TRPM3: variants seen among roughly 807,000 people sequenced by gnomAD.
TRPM3 encodes the protein long transient receptor potential channel 3.
TRPM3 carries 77 observed loss-of-function variants against 181.2 expected under a neutral mutation model. That is an observed-to-expected ratio of 0.42 (90% CI 0.35 to 0.51). The LOEUF (loss-of-function observed/expected upper bound fraction) is 0.51. Among genes scored for constraint, TRPM3 ranks in the 20% least tolerant of loss-of-function variants. The probability of loss-of-function intolerance (pLI) is 0.01; values close to 1 mark genes in which losing one functional copy is unlikely to be tolerated. For missense variants in TRPM3, 1,759 were observed against 2,196.7 expected (o/e 0.80, Z 3.98); for synonymous variants, 745 against 796.4 (o/e 0.94, Z 1.09).
chr9:71,039,294 A>G (rs2058559973), intron 1 of TRPM3, among the ~76,000 whole-genome samples: 2 of 152,154 alleles, frequency 1.3e-5, no homozygotes. Flanking sequence ...AGAATTCAAA[A>G]CTACTATACA....
chr9:70,950,481 A>G (rs1049697470), intron 1 of TRPM3, among the ~76,000 whole-genome samples: 2 of 152,226 alleles, frequency 1.3e-5, no homozygotes, highest in African/African-American at 4.8e-5. Context: ...AAGTAAGGTA[A>G]TTAGGAACAA....
At chr9:71,057,063 G>A (rs2060752941) in intron 1 of TRPM3, among the ~76,000 whole-genome samples, 1 of 151,932 alleles carries the variant, frequency 6.6e-6, no homozygotes, top group South Asian at 2.1e-4. Flanking sequence ...GATTTGGTCT[G>A]TAGTGTTACT....
chr9:71,285,264 G>A (rs1185868294), intron 1 of TRPM3, among the ~76,000 whole-genome samples: 1 of 152,128 alleles, frequency 6.6e-6, no homozygotes, highest in East Asian at 1.9e-4. Context: ...GTTATCTGAC[G>A]GTTAGAAATA....
chr9:71,056,387 A>G (rs1360900286), intron 1 of TRPM3, among the ~76,000 whole-genome samples: 11 of 151,958 alleles, frequency 7.2e-5, no homozygotes, highest in Admixed American at 7.2e-4. Context: ...CACTGCAGAG[A>G]TATGGATAAT....
At chr9:70,675,383 A>G (rs550381387) in intron 9 of TRPM3, among the ~76,000 whole-genome samples, 7 of 152,366 alleles carry the variant, frequency 4.6e-5, no homozygotes, top group Admixed American at 4.6e-4. Context: ...GGTGTGAGAC[A>G]CTGTGCCAGG....
intron 6 of TRPM3, among the ~76,000 whole-genome samples, chr9:70,797,715 C>G (rs1465795819): frequency 1.3e-5 from 2 of 152,200 alleles, no homozygotes; most frequent in East Asian, 3.8e-4. Flanking sequence ...CCTTTACTCA[C>G]TTGGCCACCC....
At chr9:71,298,896 T>C (rs2086532108) in intron 1 of TRPM3, among the ~76,000 whole-genome samples, 1 of 152,196 alleles carries the variant, frequency 6.6e-6, no homozygotes, top group African/African-American at 2.4e-5. Flanking sequence ...GTTCAACTTA[T>C]AGCTGACATC....
At chr9:71,261,658 T>C (rs1203998900) in intron 1 of TRPM3, among the ~76,000 whole-genome samples, 1 of 152,236 alleles carries the variant, frequency 6.6e-6, no homozygotes, top group Admixed American at 6.5e-5. Flanking sequence ...CTTTGGTCTT[T>C]GCTGTTAGTG....
At chr9:71,170,254 T>C (rs570507940) in intron 1 of TRPM3, among the ~76,000 whole-genome samples, 1 of 151,884 alleles carries the variant, frequency 6.6e-6, no homozygotes, top group East Asian at 1.9e-4. Flanking sequence ...AACACGAAGA[T>C]GAAGGGAAGG....
chr9:70,650,668 T>G (rs2133779059), intron 9 of TRPM3, among the ~76,000 whole-genome samples: 1 of 152,336 alleles, frequency 6.6e-6, no homozygotes, highest in South Asian at 2.1e-4. Flanking sequence ...ATAATTTCTC[T>G]TTAATCCCCA....
chr9:71,185,187 C>G (rs1026050556), intron 1 of TRPM3, among the ~76,000 whole-genome samples: 1 of 151,978 alleles, frequency 6.6e-6, no homozygotes, highest in Non-Finnish European at 1.5e-5. Context: ...TAATAAAAAT[C>G]CAGTGTGTAA....
intron 1 of TRPM3, among the ~76,000 whole-genome samples, chr9:70,965,496 A>T (rs1178031069): frequency 6.6e-6 from 1 of 152,104 alleles, no homozygotes; most frequent in Non-Finnish European, 1.5e-5. Context: ...TATTTTAAAA[A>T]GAAGACATCA....
intron 1 of TRPM3, among the ~76,000 whole-genome samples, chr9:71,022,476 C>T (rs566749798): frequency 6.6e-6 from 1 of 152,222 alleles, no homozygotes; most frequent in East Asian, 1.9e-4. Flanking sequence ...GGAAGGATAA[C>T]TTGAGGCTAG....
Position 71,191,441 on chromosome 9 carries a change from C to A in TRPM3, c.183+255212G>T, listed in dbSNP as rs192391446. Among the ~76,000 whole-genome samples, 916 of 151,938 alleles carry A rather than the reference C, an allele frequency of 6.0e-3. 7 individuals are homozygous for A. Among genetic ancestry groups the A allele is most frequent in the Non-Finnish European group, 9.4e-3 (637 of 67,830 alleles). ...AGCTCACTTCCATTTCTTCCTAGCT[C>A]ATGGTCTGTGCTAGAAGCTTGCAAC... On this transcript the variant is annotated intron_variant, in intron 1 of 24. Coordinates refer to the TRPM3 transcript ENST00000357533.
intron 25 of TRPM3, among the ~76,000 whole-genome samples, chr9:70,538,017 C>T (rs578020027): frequency 1.3e-5 from 2 of 152,128 alleles, no homozygotes; most frequent in South Asian, 4.2e-4. Context: ...GTTGTGTCTC[C>T]AAAGGAATTA....
intron 1 of TRPM3, among the ~76,000 whole-genome samples, chr9:71,265,351 T>A (rs1026311575): frequency 3.3e-5 from 5 of 152,216 alleles, no homozygotes; most frequent in African/African-American, 1.2e-4. Context: ...GCTTATTAAA[T>A]TTATTGCTCA....
chr9:71,336,035 C>T (rs1479442780), intron 1 of TRPM3, among the ~76,000 whole-genome samples: 1 of 152,070 alleles, frequency 6.6e-6, no homozygotes, highest in African/African-American at 2.4e-5. Flanking sequence ...AGCTTATTAA[C>T]ATATTCCAAG....
At chr9:71,065,685 G>A (rs980216485) in intron 1 of TRPM3, among the ~76,000 whole-genome samples, 1 of 152,130 alleles carries the variant, frequency 6.6e-6, no homozygotes, top group African/African-American at 2.4e-5. Flanking sequence ...AGCAATCCTG[G>A]TAACCAGGAG....
chr9:71,104,883 T>C (rs891294532), intron 1 of TRPM3, among the ~76,000 whole-genome samples: 1 of 152,164 alleles, frequency 6.6e-6, no homozygotes, highest in African/African-American at 2.4e-5. Context: ...TATTGTATGT[T>C]AAAGGGAGTA....
Sources: gnomAD v4.1 joint callset for allele counts (sites outside exome capture counted in the v4.1 genomes callset) on GRCh38, gnomAD v4.1.1 for gene constraint, MANE v1.5 for transcripts, NCBI Gene and HGNC (gene_info 2026-07-23, HGNC 2026-07-21) for gene names.